Variants in NKD1 observed in about 807,000 individuals in gnomAD.
NKD1 encodes the protein NKD inhibitor of Wnt signaling pathway 1, also known as protein naked cuticle homolog 1.
Under a neutral mutation model 56.0 loss-of-function variants are expected in NKD1, and 21 were observed. That is an observed-to-expected ratio of 0.38 (90% CI 0.27 to 0.54). NKD1 has a LOEUF of 0.54. NKD1 is among the 20% of genes least tolerant of loss of function. The probability of loss-of-function intolerance (pLI) is 0.82; values close to 1 mark genes in which losing one functional copy is unlikely to be tolerated. For synonymous variants in NKD1, 263 were observed against 265.7 expected (o/e 0.99, Z 0.10); for missense variants, 578 against 642.7 (o/e 0.90, Z 1.09).
rs190760928 is a variant in NKD1 at position 50,571,460 on chromosome 16, C to A, written c.192+21905C>A. The stretch of plus-strand genomic sequence containing the variant: ...TCCGAAGACCTGGGTGCCCTCCACT[C>A]ACTGCCGCTCACACACCCAAACAGC... On this transcript the variant is annotated intron_variant, in intron 3 of 9. Transcript: ENST00000268459. 10 of 985,268 alleles carry A rather than the reference C, an allele frequency of 1.0e-5. No individual in the cohort carries two copies. In the Admixed American group the frequency reaches 6.1e-4, roughly 61 times the overall value. 61.0% of individuals were successfully genotyped at this position (985,268 alleles called of 1,614,324 possible).
chr16:50,625,869 C>A (rs1962201708), intron 6 of NKD1, among the ~76,000 whole-genome samples: 1 of 152,216 alleles, frequency 6.6e-6, no homozygotes, highest in Non-Finnish European at 1.5e-5. Context: ...AGCCCTAGGG[C>A]CTCTCTGGAG....
intron 3 of NKD1, among the ~76,000 whole-genome samples, chr16:50,570,626 A>G (rs1049475327): frequency 3.3e-5 from 5 of 152,238 alleles, no homozygotes; most frequent in African/African-American, 1.2e-4. Flanking sequence ...GCTGTCATGT[A>G]GATCAGATGA....
At chr16:50,581,760 CTTGT>C (rs1961121238) in intron 3 of NKD1, among the ~76,000 whole-genome samples, 1 of 152,140 alleles carries the variant, frequency 6.6e-6, no homozygotes, top group Non-Finnish European at 1.5e-5. Flanking sequence ...GAGGTGCTGT[CTTGT>C]AGCAGCTCTC....
intron 3 of NKD1, among the ~76,000 whole-genome samples, chr16:50,589,765 TCCTC>T (rs1961319961): frequency 1.0e-4 from 7 of 68,258 alleles, no homozygotes; most frequent in Non-Finnish European, 1.7e-4. Flanking sequence ...TTCTCTTCTC[TCCTC>T]TCCTCTCCTC....
intron 3 of NKD1, chr16:50,573,753 A>C (rs1275349092): frequency 7.4e-6 from 7 of 941,040 alleles, no homozygotes; most frequent in Admixed American, 1.2e-4. Context: ...AGCTTGGGGA[A>C]AATTGAATAA....
At chr16:50,630,379 C>G (rs370507633) in intron 7 of NKD1, 46 bp downstream of exon 7, 24 of 1,603,254 alleles carry the variant, frequency 1.5e-5, no homozygotes, top group Non-Finnish European at 1.9e-5. Context: ...CCTCCCATCT[C>G]AGGAAGGAAC....
At chr16:50,615,330 C>G (rs80028749) in intron 4 of NKD1, among the ~76,000 whole-genome samples, 90 of 152,326 alleles carry the variant, frequency 5.9e-4, no homozygotes, top group Non-Finnish European at 1.1e-3. Flanking sequence ...GTGATAGACA[C>G]TGCACTATAG....
intron 3 of NKD1, chr16:50,556,829 C>G (rs1428926550): frequency 6.6e-6 from 1 of 151,654 alleles, no homozygotes; most frequent in Non-Finnish European, 1.5e-5. Flanking sequence ...CTGCCTTGGC[C>G]TCCCAAAGTG....
chr16:50,553,141 A>C (rs990698000), intron 3 of NKD1, among the ~76,000 whole-genome samples: 1 of 152,240 alleles, frequency 6.6e-6, no homozygotes, highest in African/African-American at 2.4e-5. Flanking sequence ...GAAGAAAACC[A>C]ATTGGAAACA....
chr16:50,572,129 C>G (rs763680524), intron 3 of NKD1, among the ~76,000 whole-genome samples: 4 of 152,224 alleles, frequency 2.6e-5, no homozygotes, highest in African/African-American at 7.2e-5. Context: ...CACTGTGGTT[C>G]CTTCTCCTAA....
intron 5 of NKD1, among the ~76,000 whole-genome samples, chr16:50,624,278 C>G (rs908819539): frequency 9.9e-5 from 15 of 152,174 alleles, no homozygotes; most frequent in Non-Finnish European, 2.1e-4. Context: ...CTAGAACTGT[C>G]TATCTGACAC....
At chr16:50,592,092 C>T (rs574726457) in intron 3 of NKD1, among the ~76,000 whole-genome samples, 8 of 152,336 alleles carry the variant, frequency 5.3e-5, no homozygotes, top group African/African-American at 1.9e-4. Flanking sequence ...ACAGAGCTGG[C>T]TAAGGCCACA....
rs1037903555 is a variant in NKD1 at position 50,608,275 on chromosome 16, C to T, written c.193-19C>T. On this transcript the variant is annotated intron_variant, in intron 3 of 9. Coordinates refer to ENST00000268459, the MANE Select transcript of NKD1 (RefSeq NM_033119.5). The stretch of plus-strand genomic sequence containing the variant: ...CTCCCCCAACCCCTGCTCAATGCCT[C>T]TGCTCTGTCTTCTTGTAGGAGCTCG... The T allele has an allele frequency of 1.3e-6, 2 of 1,598,950 alleles. No individual in the cohort carries two copies. Among genetic ancestry groups the T allele is most frequent in the Non-Finnish European group, 8.6e-7 (1 of 1,166,632 alleles).
At chr16:50,618,387 G>A (rs1047709511) in intron 4 of NKD1, among the ~76,000 whole-genome samples, 83 of 152,170 alleles carry the variant, frequency 5.5e-4, no homozygotes, top group Non-Finnish European at 1.0e-4. Flanking sequence ...CCTTGGTGTG[G>A]CCTGGGTGGC....
chr16:50,625,683 G>A, intron 6 of NKD1, 103 bp downstream of exon 6: 1 of 751,658 alleles, frequency 1.3e-6, no homozygotes, highest in South Asian at 1.6e-5. Context: ...CATCGGTCCT[G>A]CCCCTCAGGG....
rs1425220646 is a variant in NKD1 at position 50,646,761 on chromosome 16, C to T, written c.*12980C>T. On this transcript the variant is annotated 3_prime_UTR_variant, in exon 10 of 10. Coordinates refer to ENST00000268459, the MANE Select transcript of NKD1 (RefSeq NM_033119.5). ...GGGCTCCAAGGCAGGATGGGACCCC[C>T]TGGTTTGGGAAAATCAGAAAAGGCC... The T allele has an allele frequency of 6.6e-6, 1 of 152,308 alleles. No homozygotes were observed. The highest frequency in any genetic ancestry group is 1.5e-5 in the Non-Finnish European group (1 of 68,112). The allele number at this position is 152,308 out of a possible 1,614,324, so 9.4% of individuals were successfully genotyped here.
intron 4 of NKD1, among the ~76,000 whole-genome samples, chr16:50,621,358 G>A (rs1962082893): frequency 6.6e-6 from 1 of 152,192 alleles, no homozygotes; most frequent in Non-Finnish European, 1.5e-5. Flanking sequence ...GTCATAGGCT[G>A]GTGGGGGCCT....
chr16:50,618,170 T>C (rs1299982246), intron 4 of NKD1, among the ~76,000 whole-genome samples: 2 of 152,182 alleles, frequency 1.3e-5, no homozygotes, highest in Non-Finnish European at 2.9e-5. Context: ...CCTGCTTTCC[T>C]TTTTTCTTCC....
rs1962137012 is a variant in NKD1, at chr16:50,623,388, G to C, written c.366+1680G>C. ...GTAGTATCTAGTAGGAGTTAGGGCT[G>C]CCAGCTTCTTCCTGGAGCCCAGCCC... is the stretch of plus-strand genomic sequence containing the variant. On this transcript the variant is annotated intron_variant, in intron 5 of 9. Coordinates refer to ENST00000268459, the MANE Select transcript of NKD1 (RefSeq NM_033119.5). The surrounding 1 kb of genome is among the most constrained non-coding windows in gnomAD (Gnocchi z 4.1). 6.6e-6 allele frequency among the ~76,000 whole-genome samples: 1 copy of C among 152,108 alleles called. No individual in the cohort carries two copies. Among genetic ancestry groups the C allele is most frequent in the African/African-American group, 2.4e-5 (1 of 41,430 alleles).
Sources: allele counts gnomAD v4.1 joint callset (sites outside exome capture counted in the v4.1 genomes callset), GRCh38; gene constraint gnomAD v4.1.1; non-coding constraint Gnocchi (gnomAD v3.1); transcripts MANE v1.5; gene names NCBI Gene and HGNC (gene_info 2026-07-23, HGNC 2026-07-21).